MMS22L: variants seen among roughly 807,000 people sequenced by gnomAD.
MMS22L encodes MMS22 like, DNA repair protein, also known as protein MMS22-like.
Under a neutral mutation model 159.1 loss-of-function variants are expected in MMS22L, and 74 were observed. That is an observed-to-expected ratio of 0.47 (90% confidence interval 0.39 to 0.56). The LOEUF is 0.56. MMS22L is among the 20% of genes least tolerant of loss of function. The pLI, the probability that MMS22L is intolerant of heterozygous loss-of-function variation, is 0.00. For synonymous variants in MMS22L, 517 were observed against 506.9 expected (o/e 1.02, Z -0.27); for missense variants, 1,351 against 1,422.1 (o/e 0.95, Z 0.80).
intron 14 of MMS22L, among the ~76,000 whole-genome samples, chr6:97,221,870 T>C (rs1481078652): frequency 6.6e-6 from 1 of 152,026 alleles, no homozygotes; most frequent in East Asian, 1.9e-4. Context: ...CAGAAATAAC[T>C]CATTTGATTA....
chr6:97,158,925 T>G (rs1362625588), intron 22 of MMS22L, among the ~76,000 whole-genome samples: 4 of 152,086 alleles, frequency 2.6e-5, no homozygotes, highest in Non-Finnish European at 4.4e-5. Flanking sequence ...TCTCCCACTA[T>G]TATTGTGTGG....
At chr6:97,204,102 T>C (rs1807486246) in intron 14 of MMS22L, among the ~76,000 whole-genome samples, 1 of 152,092 alleles carries the variant, frequency 6.6e-6, no homozygotes, top group African/African-American at 2.4e-5. Flanking sequence ...TCCGAAAAAA[T>C]TTATAGAAAA....
intron 22 of MMS22L, 106 bp downstream of exon 22, chr6:97,161,896 T>C (rs1247456085): frequency 1.9e-6 from 2 of 1,073,112 alleles, no homozygotes; most frequent in African/African-American, 1.6e-5. Flanking sequence ...TCAAGAGATA[T>C]AAAAGAATCA....
chr6:97,274,744 G>C (rs1271506080), intron 4 of MMS22L, among the ~76,000 whole-genome samples: 2 of 152,138 alleles, frequency 1.3e-5, no homozygotes, highest in African/African-American at 4.8e-5. Context: ...TAGAGTTCTG[G>C]AAGGGTACAG....
intron 9 of MMS22L, chr6:97,260,446 T>C (rs1814337220): frequency 6.6e-6 from 1 of 152,196 alleles, no homozygotes; most frequent in Admixed American, 6.5e-5. Context: ...CCCTCAGTCA[T>C]GTTGTAATTT....
At chr6:97,224,175 C>T (rs76247351) in intron 14 of MMS22L, among the ~76,000 whole-genome samples, 4,094 of 152,236 alleles carry the variant, frequency 0.027, 331 homozygotes, top group East Asian at 0.25. Context: ...GGACAGCAAA[C>T]TACAAATTGA....
chr6:97,208,394 T>G (rs1435065019), intron 14 of MMS22L, among the ~76,000 whole-genome samples: 1 of 152,056 alleles, frequency 6.6e-6, no homozygotes, highest in Non-Finnish European at 1.5e-5. Context: ...GCTGGATACC[T>G]AAGTGCTGAA....
chr6:97,180,423 T>C (rs1804594956), intron 16 of MMS22L, among the ~76,000 whole-genome samples: 1 of 152,144 alleles, frequency 6.6e-6, no homozygotes, highest in Non-Finnish European at 1.5e-5. Context: ...TTCTAACCCA[T>C]TCATTAGTCA....
chr6:97,193,117 C>A (rs1806067429), intron 14 of MMS22L, among the ~76,000 whole-genome samples: 1 of 152,144 alleles, frequency 6.6e-6, no homozygotes, highest in African/African-American at 2.4e-5. Context: ...AACAGCTAAT[C>A]CCAGGTGATA....
intron 21 of MMS22L, among the ~76,000 whole-genome samples, chr6:97,162,571 C>T (rs1350495784): frequency 6.6e-6 from 1 of 151,798 alleles, no homozygotes; most frequent in Non-Finnish European, 1.5e-5. Context: ...AATCTCTCTT[C>T]ATATCTATTT....
At chr6:97,208,236 T>C (rs1195357125) in intron 14 of MMS22L, among the ~76,000 whole-genome samples, 2 of 152,254 alleles carry the variant, frequency 1.3e-5, no homozygotes, top group East Asian at 3.9e-4. Flanking sequence ...TTTGGCATTT[T>C]TGTATTATTA....
At chr6:97,247,974 G>A (rs1433552590) in intron 10 of MMS22L, among the ~76,000 whole-genome samples, 1 of 152,196 alleles carries the variant, frequency 6.6e-6, no homozygotes, top group Non-Finnish European at 1.5e-5. Context: ...AGAGCACAGT[G>A]AGTATGGTAG....
At position 97,144,963 on chromosome 6, in the gene MMS22L, A is replaced by G. The variant is rs939064536; in HGVS notation, c.*1843T>C. 6.6e-6 allele frequency: 1 copy of G among 150,406 alleles called. No individual in the cohort carries two copies. The highest frequency in any genetic ancestry group is 2.4e-5 in the African/African-American group (1 of 40,834). The allele number at this position is 150,406 out of a possible 1,614,324, so 9.3% of individuals were successfully genotyped here. On this transcript the variant is annotated 3_prime_UTR_variant, in exon 25 of 25. Coordinates refer to ENST00000683635, the MANE Select transcript of MMS22L (RefSeq NM_001350599.2). Reference sequence around the variant, plus strand: ...CTTTTCCTATCCTTTAAACGTTTTCATACTCTAAGGAGCAAGATTCTCAAA... The same window carrying G: ...CTTTTCCTATCCTTTAAACGTTTTCGTACTCTAAGGAGCAAGATTCTCAAA...
At chr6:97,221,774 T>C (rs76992482) in intron 14 of MMS22L, among the ~76,000 whole-genome samples, 1 of 152,014 alleles carries the variant, frequency 6.6e-6, no homozygotes, top group Non-Finnish European at 1.5e-5. Flanking sequence ...GGCATACACA[T>C]GTGTTTCCCA....
At chr6:97,215,114 A>ATTTT (rs1554266841) in intron 14 of MMS22L, among the ~76,000 whole-genome samples, 1 of 87,188 alleles carries the variant, frequency 1.1e-5, no homozygotes, top group South Asian at 3.9e-4. Flanking sequence ...ATATATATAT[A>ATTTT]TTTTTTTTTT....
intron 10 of MMS22L, among the ~76,000 whole-genome samples, chr6:97,251,944 G>A (rs964101858): frequency 3.3e-5 from 5 of 152,084 alleles, no homozygotes; most frequent in Admixed American, 2.0e-4. Flanking sequence ...TTAGCCAGGC[G>A]TGGTGGCCGG....
chr6:97,193,821 C>T (rs575958400), intron 14 of MMS22L, among the ~76,000 whole-genome samples: 1 of 152,250 alleles, frequency 6.6e-6, no homozygotes, highest in East Asian at 1.9e-4. Context: ...AGTGCAGTGG[C>T]AAGATCTCGG....
In MMS22L at chr6:97,170,275, C is replaced by T. The variant is rs538154771; in HGVS notation, c.2840-2035G>A. ...GAAACACTTTGTTGAAGACTGTAAG[C>T]TTTAGGAGTTCATATAAGGTGGAGA... On this transcript the variant is annotated intron_variant, in intron 19 of 24. Transcript: ENST00000683635. Among the ~76,000 whole-genome samples, 4 of 152,160 alleles carry T rather than the reference C, an allele frequency of 2.6e-5. No homozygotes were observed. The South Asian group carries it at 8.3e-4, about 32-fold the overall frequency.
intron 10 of MMS22L, 23 bp downstream of exon 10, chr6:97,254,534 G>A (rs1244879342): frequency 6.3e-7 from 1 of 1,599,244 alleles, no homozygotes; most frequent in East Asian, 2.2e-5. Flanking sequence ...ATATAAGAAA[G>A]TTTTTAAAAA....
Sources: allele counts gnomAD v4.1 joint callset (sites outside exome capture counted in the v4.1 genomes callset), GRCh38; gene constraint gnomAD v4.1.1; transcripts MANE v1.5; gene names NCBI Gene and HGNC (gene_info 2026-07-23, HGNC 2026-07-21).